CDK20: variants seen among roughly 807,000 people sequenced by gnomAD.
CDK20 encodes cyclin dependent kinase 20, also known as cyclin-dependent kinase 20.
Under a neutral mutation model 38.6 loss-of-function variants are expected in CDK20, and 40 were observed. The observed-to-expected ratio is 1.04, with a 90% CI of 0.81 to 1.35. The LOEUF is 1.35. Ranked by LOEUF, CDK20 falls within the 40% of genes most tolerant of loss-of-function variation. The pLI, the probability that CDK20 is intolerant of heterozygous loss-of-function variation, is 0.00. For synonymous variants in CDK20, 209 were observed against 185.7 expected, an observed-to-expected ratio of 1.13 and a Z score of -1.02; for missense variants, 512 against 452.6, an observed-to-expected ratio of 1.13 and a Z score of -1.19.
At chr9:87,971,456 A>C in intron 2 of CDK20, 121 bp from the exon 3 acceptor site, 1 of 853,946 alleles carries the variant, frequency 1.2e-6, no homozygotes, top group Non-Finnish European at 1.8e-6. Context: ...TAAGCAAAGA[A>C]GGTGACGTGG....
In CDK20 at chr9:87,967,409, C is replaced by G; in HGVS notation, c.*53G>C. The G allele has an allele frequency of 3.3e-6, 5 of 1,533,306 alleles. No individual in the cohort carries two copies. Among genetic ancestry groups the G allele is most frequent in the Non-Finnish European group, 4.4e-6 (5 of 1,130,562 alleles). The allele number at this position is 1,533,306 out of a possible 1,614,324, so 95.0% of individuals were successfully genotyped here. A position where few individuals can be genotyped will look rare whatever the true frequency, so the allele number is the denominator to read the frequency against. ...TGAAGCCAGGCAGGTGGCAGAGGAA[C>G]AGGTGGACTGAGTGGTCCTGAGGAG... On this transcript the variant is annotated 3_prime_UTR_variant, in exon 8 of 8. Coordinates refer to ENST00000325303, the MANE Select transcript of CDK20 (RefSeq NM_001039803.3).
chr9:87,973,994 C>T lies in CDK20; in HGVS notation c.117G>A (p.Arg39=), dbSNP rs1279905835. The change falls in exon 2 of 8, where the codon CGG becomes CGA. Residue 39 remains arginine (R), a synonymous_variant. Coordinates refer to ENST00000325303, the MANE Select transcript of CDK20 (RefSeq NM_001039803.3). The stretch of plus-strand genomic sequence containing the variant: ...CCTGGTTAGGGAAGCCGTCCTCCAA[C>T]CGCCTTAGGGCCACCTTCTTGAGGG... ...IVALKKVALR[R]LEDGFPNQAL... The T allele has an allele frequency of 1.9e-6, 3 of 1,614,204 alleles. No individual in the cohort carries two copies. The highest frequency in any genetic ancestry group is 1.1e-5 in the South Asian group (1 of 91,086).
In CDK20 at chr9:87,967,482, G is replaced by A. The variant is rs200199265; in HGVS notation, c.1021C>T (p.Pro341Ser). The change falls in exon 8 of 8, where the codon CCC (proline) becomes TCC (serine). Residue 341 changes from proline (P) to serine (S), a missense_variant. Transcript: ENST00000325303. ...ACTTCTCACCCCTCCAGGATGAAGG[G>A]CCGAATCAGCTCTGGGTTCAACAGC... ...ESLLNPELIR[P>S]FILEG 196 of 1,555,018 alleles carry A rather than the reference G, an allele frequency of 1.3e-4. No homozygotes were observed. The highest frequency in any genetic ancestry group is 2.9e-4 in the Admixed American group (15 of 51,350).
Position 87,967,001 on chromosome 9 carries a change from ATACTGAAC to A in CDK20, c.*453_*460del. 2.0e-6 allele frequency: 1 copy of A among 487,942 alleles called. No homozygotes were observed. Among genetic ancestry groups the A allele is most frequent in the South Asian group, 1.5e-5 (1 of 67,162 alleles). The allele number at this position is 487,942 out of a possible 1,614,324, so 30.2% of individuals were successfully genotyped here. ...GAGGTTTTTAGAATCTATATCTCACATACTGAACTAGTGTTTAATGGCTCTGAGAATAA... is the reference window on the plus strand; with the variant it reads ...GAGGTTTTTAGAATCTATATCTCACATAGTGTTTAATGGCTCTGAGAATAA... On this transcript the variant is annotated 3_prime_UTR_variant, in exon 8 of 8. Coordinates refer to ENST00000325303, the MANE Select transcript of CDK20 (RefSeq NM_001039803.3).
At position 87,966,879 on chromosome 9, in the gene CDK20, C is replaced by A. The variant is rs1166805668; in HGVS notation, c.*583G>T. ...AAGTGGCTATGCCTGGTGCTACCCT[C>A]CCCATGACCCCAAAAACGAGAGCCA... On this transcript the variant is annotated 3_prime_UTR_variant, in exon 8 of 8. Coordinates refer to ENST00000325303, the MANE Select transcript of CDK20 (RefSeq NM_001039803.3). The A allele has an allele frequency of 2.7e-6, 1 of 373,818 alleles. No individual in the cohort carries two copies. Among genetic ancestry groups the A allele is most frequent in the Non-Finnish European group, 5.3e-6 (1 of 189,158 alleles). The allele number at this position is 373,818 out of a possible 1,614,324, so 23.2% of individuals were successfully genotyped here. A position where few individuals can be genotyped will look rare whatever the true frequency, so the allele number is the denominator to read the frequency against.
Position 87,971,298 on chromosome 9 carries a change from C to T in CDK20, c.227G>A (p.Gly76Asp), listed in dbSNP as rs775356611. 3.7e-6 allele frequency: 6 copies of T among 1,613,788 alleles called. No homozygotes were observed. The highest frequency in any genetic ancestry group is 5.1e-6 in the Non-Finnish European group (6 of 1,179,912). Residue 76 changes from glycine to aspartate, a missense_variant, in exon 3 of 8, where the codon GGC becomes GAC. By Grantham distance (94) the Gly-to-Asp change is moderately conservative. Coordinates refer to ENST00000325303, the MANE Select transcript of CDK20 (RefSeq NM_001039803.3). The part of the protein sequence containing the change: ...QLKAVFPHGG[G>D]FVLAFEFMLS... ...CATGAACTCAAAGGCCAGCACAAAG[C>T]CTCCACCGTGTGGGAACACAGCCTT... is the stretch of plus-strand genomic sequence containing the variant.
At chr9:87,970,500 C>T in intron 5 of CDK20, 68 bp downstream of exon 5, 1 of 1,440,942 alleles carries the variant, frequency 6.9e-7, no homozygotes. Flanking sequence ...CCAAACAGCT[C>T]AGAGACCTCA....
intron 7 of CDK20, 89 bp downstream of exon 7, chr9:87,969,105 G>T: frequency 6.9e-7 from 1 of 1,456,838 alleles, no homozygotes; most frequent in Non-Finnish European, 9.4e-7. Context: ...GGTCGCTGAT[G>T]TGATGGGGTC....
chr9:87,971,001 T>A (rs1049244398), intron 3 of CDK20, 104 bp from the exon 4 acceptor site: 13 of 1,536,394 alleles, frequency 8.5e-6, no homozygotes, highest in African/African-American at 1.4e-5. Flanking sequence ...GGTCCCCACC[T>A]CCTCCAGGGC....
intron 7 of CDK20, 24 bp downstream of exon 7, chr9:87,969,170 A>C: frequency 6.2e-7 from 1 of 1,611,478 alleles, no homozygotes; most frequent in Non-Finnish European, 8.5e-7. Context: ...CTGAAGGAGC[A>C]GAGACTACAG....
Position 87,971,156 on chromosome 9 carries a change from A to G in CDK20, c.369T>C (p.Ile123=), listed in dbSNP as rs1389605863. Residue 123 remains isoleucine, a synonymous_variant, in exon 3 of 8, where the codon ATT becomes ATC. Coordinates refer to ENST00000325303, the MANE Select transcript of CDK20 (RefSeq NM_001039803.3). The part of the protein sequence containing the change: ...KGVAFCHANN[I]VHRDLKPANL... Reference sequence around the variant, plus strand: ...CTATGCTGAGACTGACCCGATGTACAATGTTGTTGGCATGGCAGAAGGCGA... The same window carrying G: ...CTATGCTGAGACTGACCCGATGTACGATGTTGTTGGCATGGCAGAAGGCGA... 2 of 1,613,892 alleles carry G rather than the reference A, an allele frequency of 1.2e-6. No individual in the cohort carries two copies. The highest frequency in any genetic ancestry group is 1.1e-5 in the South Asian group (1 of 91,072).
chr9:87,967,846 C>T (rs941295699), intron 7 of CDK20, 187 bp from the exon 8 acceptor site: 2 of 547,192 alleles, frequency 3.7e-6, no homozygotes, highest in Non-Finnish European at 6.4e-6. Flanking sequence ...CAGACAAAAG[C>T]TCTGTTTTTC....
At chr9:87,970,136 C>T (rs757692056) in intron 5 of CDK20, 1 of 489,248 alleles carries the variant, frequency 2.0e-6, no homozygotes, top group Non-Finnish European at 3.5e-6. Context: ...GACTCCTGCT[C>T]TAGGACACTT....
chr9:87,971,114 C>T (rs747870695), intron 3 of CDK20, 33 bp downstream of exon 3: 10 of 1,603,872 alleles, frequency 6.2e-6, no homozygotes, highest in African/African-American at 1.3e-5. Flanking sequence ...GTCAGCTCCC[C>T]AGACCCCATG....
At position 87,970,858 on chromosome 9, in the gene CDK20, G is replaced by T. The variant is rs778826223; in HGVS notation, c.418C>A (p.Gln140Lys). ...AGGCCAAAGTCCGCTATCTTGAGCTGGCCTGAGGCGCTGATGAGCAGGTTG... is the reference window on the plus strand; with the variant it reads ...AGGCCAAAGTCCGCTATCTTGAGCTTGCCTGAGGCGCTGATGAGCAGGTTG... ...PANLLISASGQLKIADFGLAR... is the reference protein window; with the variant it reads ...PANLLISASGKLKIADFGLAR... The change falls in exon 4 of 8, where the codon CAG becomes AAG. Residue 140 changes from glutamine (Q) to lysine (K), a missense_variant. Coordinates refer to ENST00000325303, the MANE Select transcript of CDK20 (RefSeq NM_001039803.3). 1 of 1,614,082 alleles carries T rather than the reference G, an allele frequency of 6.2e-7. No individual in the cohort carries two copies. The highest frequency in any genetic ancestry group is 8.5e-7 in the Non-Finnish European group (1 of 1,180,052).
Position 87,967,366 on chromosome 9 carries a change from T to TG in CDK20, c.*95dup, listed in dbSNP as rs751318738. The TG allele has an allele frequency of 8.0e-7, 1 of 1,249,968 alleles. No individual in the cohort carries two copies. The highest frequency in any genetic ancestry group is 1.3e-5 in the South Asian group (1 of 77,494). 77.4% of individuals were successfully genotyped at this position (1,249,968 alleles called of 1,614,324 possible). On this transcript the variant is annotated 3_prime_UTR_variant, in exon 8 of 8. Coordinates refer to ENST00000325303, the MANE Select transcript of CDK20 (RefSeq NM_001039803.3). Reference sequence around the variant, plus strand: ...GTGTGGTGTGGGCCCACTGTGGCCATGGGGAGGCCTTGGAGGGTGAAGCCA... The same window carrying TG: ...GTGTGGTGTGGGCCCACTGTGGCCATGGGGGAGGCCTTGGAGGGTGAAGCCA...
In CDK20 at chr9:87,969,905, A is replaced by C; in HGVS notation, c.578T>G (p.Ile193Ser). ...QGVDLWSVGC[I>S]MGELLNGSPL... Reference sequence around the variant, plus strand: ...GGACCCATTCAACAGCTCCCCCATGATGCAGCCCACAGACCTGTGGACACA... The same window carrying C: ...GGACCCATTCAACAGCTCCCCCATGCTGCAGCCCACAGACCTGTGGACACA... Residue 193 changes from isoleucine (I) to serine (S), a missense_variant, in exon 6 of 8, where the codon ATC (isoleucine) becomes AGC (serine). Physicochemically the swap from Ile to Ser is moderately radical, Grantham distance 142. Coordinates refer to ENST00000325303, the MANE Select transcript of CDK20 (RefSeq NM_001039803.3). The C allele has an allele frequency of 6.3e-7, 1 of 1,583,570 alleles. No homozygotes were observed. The highest frequency in any genetic ancestry group is 8.6e-7 in the Non-Finnish European group (1 of 1,163,860).
Position 87,970,877 on chromosome 9 carries a change from C to T in CDK20, c.399G>A (p.Leu133=). The T allele has an allele frequency of 6.2e-7, 1 of 1,614,170 alleles. No individual in the cohort carries two copies. Among genetic ancestry groups the T allele is most frequent in the Non-Finnish European group, 8.5e-7 (1 of 1,180,022 alleles). Residue 133 remains leucine, a synonymous_variant, in exon 4 of 8, where the codon CTG becomes CTA. Transcript: ENST00000325303. ...TGAGCTGGCCTGAGGCGCTGATGAG[C>T]AGGTTGGCAGGTTTCAGGTCCTGGG... ...IVHRDLKPAN[L]LISASGQLKI... is the part of the protein sequence containing the mutation.
chr9:87,974,472 C>T lies in CDK20; in HGVS notation c.-26G>A. On this transcript the variant is annotated 5_prime_UTR_variant, in exon 1 of 8. Transcript: ENST00000325303. ...CCCGCTGCAGTCGTGGGCCTGTGCC[C>T]CTGTGCCCCTGAACTTCCAAACTCC... 4.4e-6 allele frequency: 7 copies of T among 1,598,430 alleles called. No individual in the cohort carries two copies. The highest frequency in any genetic ancestry group is 5.1e-6 in the Non-Finnish European group (6 of 1,172,262).
Sources: gnomAD v4.1 joint callset for allele counts on GRCh38, gnomAD v4.1.1 for gene constraint, MANE v1.5 for transcripts, NCBI Gene and HGNC (gene_info 2026-07-23, HGNC 2026-07-21) for gene names.